The following WDR59 variants were observed in gnomAD, a reference collection of about 807,000 sequenced individuals.
WDR59 encodes WD repeat domain 59, also known as GATOR2 complex protein WDR59.
A neutral mutation model predicts 131.2 loss-of-function variants in WDR59; 100 were observed. That is an observed-to-expected ratio of 0.76 (90% CI 0.65 to 0.90). The LOEUF (loss-of-function observed/expected upper bound fraction) is 0.90, where lower values mean the gene tolerates loss of function less well. Among genes scored for constraint, WDR59 ranks in the 40% least tolerant of loss-of-function variants. The pLI is 0.00. For synonymous variants in WDR59, 601 were observed against 466.2 expected (o/e 1.29, Z -3.72); for missense variants, 1,203 against 1,262.2 (o/e 0.95, Z 0.71).
At chr16:74,975,535 G>A (rs1369089016) in intron 1 of WDR59, among the ~76,000 whole-genome samples, 1 of 151,256 alleles carries the variant, frequency 6.6e-6, no homozygotes, top group Non-Finnish European at 1.5e-5. Flanking sequence ...ATGATGGCAG[G>A]CGCCTGTAAT....
intron 2 of WDR59, among the ~76,000 whole-genome samples, chr16:74,959,882 G>A (rs970776290): frequency 1.3e-5 from 2 of 148,700 alleles, no homozygotes; most frequent in African/African-American, 2.4e-5. Context: ...CAAAGGAAAC[G>A]GCGATAAATG....
At chr16:74,980,979 A>T (rs1452781342) in intron 1 of WDR59, among the ~76,000 whole-genome samples, 1 of 150,808 alleles carries the variant, frequency 6.6e-6, no homozygotes, top group African/African-American at 2.4e-5. Context: ...ATAAAAAAAT[A>T]TATATTTTTA....
chr16:74,964,319 C>T (rs569613359), intron 2 of WDR59, among the ~76,000 whole-genome samples: 4 of 148,770 alleles, frequency 2.7e-5, no homozygotes, highest in Non-Finnish European at 5.9e-5. Context: ...GCGGAGGTTG[C>T]AGTGAGCCGA....
At chr16:74,920,176 T>C (rs2030052407) in intron 10 of WDR59, among the ~76,000 whole-genome samples, 1 of 152,034 alleles carries the variant, frequency 6.6e-6, no homozygotes, top group African/African-American at 2.4e-5. Context: ...CAATTTACAA[T>C]GGTTCAACTT....
intron 8 of WDR59, among the ~76,000 whole-genome samples, chr16:74,926,581 C>G (rs547197849): frequency 6.6e-6 from 1 of 152,302 alleles, no homozygotes; most frequent in African/African-American, 2.4e-5. Flanking sequence ...CGTGTACTCT[C>G]ACACTGGCCT....
In WDR59 at chr16:74,888,768, C is replaced by T. The variant is rs117162020; in HGVS notation, c.2196-449G>A. ...TGAAGGAGCTCAGAGGACACTGGAC[C>T]GCCACAGCATGCTAGCAGGCAATCG... On this transcript the variant is annotated intron_variant, in intron 21 of 25. Coordinates refer to ENST00000262144, the MANE Select transcript of WDR59 (RefSeq NM_030581.4). Among the ~76,000 whole-genome samples the T allele has an allele frequency of 5.7e-4, 87 of 152,268 alleles. 1 individual carries two copies. In the East Asian group the frequency reaches 0.015, roughly 26 times the overall value.
chr16:74,902,204 A>G (rs920505996), intron 18 of WDR59, among the ~76,000 whole-genome samples: 2 of 152,176 alleles, frequency 1.3e-5, no homozygotes, highest in African/African-American at 4.8e-5. Flanking sequence ...TTATAATCAA[A>G]GCATCACCCC....
intron 3 of WDR59, among the ~76,000 whole-genome samples, chr16:74,953,947 A>T (rs1376802472): frequency 6.6e-6 from 1 of 150,538 alleles, no homozygotes; most frequent in Non-Finnish European, 1.5e-5. Context: ...GCTTGCAGAG[A>T]GCTGAGATAG....
chr16:74,908,431 GA>G (rs1311734475), intron 17 of WDR59, among the ~76,000 whole-genome samples: 3 of 151,710 alleles, frequency 2.0e-5, no homozygotes, highest in Admixed American at 6.6e-5. Flanking sequence ...AAAGAAAAAA[GA>G]AAAAAACTTC....
chr16:74,906,859 G>T (rs759593224), intron 17 of WDR59, among the ~76,000 whole-genome samples: 1 of 152,148 alleles, frequency 6.6e-6, no homozygotes, highest in Non-Finnish European at 1.5e-5. Context: ...AAAGGGACTG[G>T]GAACCTTTGT....
At chr16:74,969,934 G>A (rs773381164) in intron 1 of WDR59, among the ~76,000 whole-genome samples, 1 of 150,884 alleles carries the variant, frequency 6.6e-6, no homozygotes. Context: ...ATTTTGGGGG[G>A]TTTTCTTGAG....
chr16:74,905,403 C>A (rs1965752601), intron 17 of WDR59, among the ~76,000 whole-genome samples: 1 of 149,910 alleles, frequency 6.7e-6, no homozygotes, highest in South Asian at 2.1e-4. Context: ...ATAAATAGGC[C>A]GGGCACGGTG....
intron 16 of WDR59, 101 bp downstream of exon 16, chr16:74,909,400 G>A: frequency 3.6e-6 from 5 of 1,400,426 alleles, no homozygotes; most frequent in Non-Finnish European, 1.9e-6. Context: ...GTTCTCGGGA[G>A]TAAAAGCAAA....
rs1007692721 is a variant in WDR59 at position 74,985,014 on chromosome 16, C to A, written c.4G>T (p.Ala2Ser). 4 of 1,579,406 alleles carry A rather than the reference C, an allele frequency of 2.5e-6. No homozygotes were observed. The Middle Eastern group carries it at 5.0e-4, about 197-fold the overall frequency. The change falls in exon 1 of 26, where the codon GCG (alanine) becomes TCG (serine). Residue 2 changes from alanine (A) to serine (S), a missense_variant. Physicochemically the swap from Ala to Ser is moderately conservative, Grantham distance 99. Transcript: ENST00000262144. ...ACGTTTTCGCTGCTCCATCGCGCCG[C>A]CATCTCCCCCGCCCGGCCGCCGCGG... The part of the protein sequence containing the change: M[A>S]ARWSSENVVV...
chr16:74,883,171 C>T (rs1459374976), intron 25 of WDR59, among the ~76,000 whole-genome samples: 1 of 151,568 alleles, frequency 6.6e-6, no homozygotes, highest in African/African-American at 2.4e-5. Flanking sequence ...ACTACAAGCA[C>T]GCACCACCAC....
At chr16:74,911,888 C>A in intron 14 of WDR59, 1 of 509,254 alleles carries the variant, frequency 2.0e-6, no homozygotes. Context: ...AGATTCTATG[C>A]AATTCACATA....
At chr16:74,941,234 A>C (rs2032193737) in intron 7 of WDR59, among the ~76,000 whole-genome samples, 1 of 151,094 alleles carries the variant, frequency 6.6e-6, no homozygotes, top group South Asian at 2.1e-4. Flanking sequence ...CCAGTTACTC[A>C]GGAGGCTGAA....
At chr16:74,892,621 A>G in intron 19 of WDR59, 56 bp from the exon 20 acceptor site, 2 of 1,396,672 alleles carry the variant, frequency 1.4e-6, no homozygotes, top group Non-Finnish European at 2.0e-6. Flanking sequence ...TCCCAAATCA[A>G]CGACTCCCAG....
chr16:74,893,667 T>C lies in WDR59; in HGVS notation c.2000+12A>G. 1 of 1,612,660 alleles carries C rather than the reference T, an allele frequency of 6.2e-7. No homozygotes were observed. Among genetic ancestry groups the C allele is most frequent in the Non-Finnish European group, 8.5e-7 (1 of 1,179,018 alleles). On this transcript the variant is annotated intron_variant, in intron 19 of 25. Coordinates refer to ENST00000262144, the MANE Select transcript of WDR59 (RefSeq NM_030581.4). ...AATGATGAGTGCAGCAGACTTGAAA[T>C]TTTGTACTTACATGTACAGCTCTCC...
Sources: allele counts gnomAD v4.1 joint callset (sites outside exome capture counted in the v4.1 genomes callset), GRCh38; gene constraint gnomAD v4.1.1; transcripts MANE v1.5; gene names NCBI Gene and HGNC (gene_info 2026-07-23, HGNC 2026-07-21).